The following FER variants were observed in gnomAD, a reference collection of about 807,000 sequenced individuals.
The protein encoded by FER is FER tyrosine kinase, also known as tyrosine-protein kinase Fer.
A neutral mutation model predicts 111.0 loss-of-function variants in FER; 63 were observed. The observed-to-expected ratio is 0.57, with a 90% CI of 0.46 to 0.70. FER has a LOEUF of 0.70. Among genes scored for constraint, FER ranks in the 30% least tolerant of loss-of-function variants. The pLI is 0.00. For synonymous variants in FER, 327 were observed against 313.9 expected, an observed-to-expected ratio of 1.04 and a Z score of -0.44; for missense variants, 914 against 954.0, an observed-to-expected ratio of 0.96 and a Z score of 0.55.
intron 9 of FER, among the ~76,000 whole-genome samples, chr5:108,892,333 T>C (rs1025967311): frequency 2.0e-5 from 3 of 152,166 alleles, no homozygotes; most frequent in African/African-American, 7.2e-5. Flanking sequence ...ACCTGTTGTT[T>C]CCTGACTTTT....
chr5:109,058,819 G>A (rs866381349), intron 16 of FER, among the ~76,000 whole-genome samples: 64 of 129,138 alleles, frequency 5.0e-4, no homozygotes, highest in African/African-American at 1.7e-3. Flanking sequence ...TGCAACCTCC[G>A]CCTTCTGGGT....
chr5:108,749,195 C>T (rs1750143878), intron 1 of FER, among the ~76,000 whole-genome samples: 1 of 152,224 alleles, frequency 6.6e-6, no homozygotes, highest in East Asian at 1.9e-4. Flanking sequence ...AACCCCCGTC[C>T]CTGGCTGCAG....
Position 109,188,431 on chromosome 5 carries a change from C to CAAAGTT in FER, c.*858_*863dup, listed in dbSNP as rs1480268510. On this transcript the variant is annotated 3_prime_UTR_variant, in exon 20 of 20. Transcript: ENST00000281092. ...ACACACACAACGCATGAAACGTCGT[C>CAAAGTT]AAAGTTAGAGTTGAGGCAGTTGCTT... The CAAAGTT allele has an allele frequency of 6.7e-6, 1 of 148,850 alleles. No homozygotes were observed. The highest frequency in any genetic ancestry group is 1.5e-5 in the Non-Finnish European group (1 of 67,488). 9.2% of individuals were successfully genotyped at this position (148,850 alleles called of 1,614,324 possible).
chr5:109,067,209 A>C (rs1355056455), intron 16 of FER, among the ~76,000 whole-genome samples: 1 of 151,258 alleles, frequency 6.6e-6, no homozygotes, highest in African/African-American at 2.4e-5. Flanking sequence ...GTCGTGTGTT[A>C]GGGAGTGGAG....
intron 18 of FER, among the ~76,000 whole-genome samples, chr5:109,181,584 G>GAT (rs1758297923): frequency 1.3e-5 from 2 of 152,298 alleles, no homozygotes; most frequent in South Asian, 4.2e-4. Flanking sequence ...AGCAGCATAT[G>GAT]AGCCATGGAT....
chr5:108,970,316 C>T (rs941397342), intron 13 of FER, among the ~76,000 whole-genome samples: 7 of 151,914 alleles, frequency 4.6e-5, no homozygotes, highest in African/African-American at 1.7e-4. Context: ...CTCAGGTTCA[C>T]GCCATTCTCC....
At chr5:108,944,959 C>A (rs372944708) in intron 10 of FER, among the ~76,000 whole-genome samples, 25 of 151,482 alleles carry the variant, frequency 1.7e-4, no homozygotes, top group African/African-American at 5.1e-4. Flanking sequence ...AACTGGACCT[C>A]TCCATTAGAT....
chr5:108,951,365 C>T (rs181135565), intron 11 of FER, among the ~76,000 whole-genome samples: 3 of 152,270 alleles, frequency 2.0e-5, no homozygotes, highest in Admixed American at 6.5e-5. Flanking sequence ...ACCTTGGCCT[C>T]CCAAAGTGCT....
chr5:109,094,086 T>C (rs375081179), intron 16 of FER, among the ~76,000 whole-genome samples: 2 of 152,014 alleles, frequency 1.3e-5, no homozygotes, highest in African/African-American at 4.8e-5. Context: ...AGAGGACTTA[T>C]GGTCTCAATG....
chr5:108,748,388 T>G (rs1750023834), intron 1 of FER: 1 of 152,248 alleles, frequency 6.6e-6, no homozygotes, highest in South Asian at 2.1e-4. Flanking sequence ...CCGCCCCCAC[T>G]CTCCGAATTC....
intron 10 of FER, among the ~76,000 whole-genome samples, chr5:108,899,883 T>C (rs915341096): frequency 6.6e-6 from 1 of 152,120 alleles, no homozygotes; most frequent in Non-Finnish European, 1.5e-5. Context: ...AACTAATGAA[T>C]AGATAATGTT....
At chr5:108,894,575 G>A (rs753213174) in intron 9 of FER, 2 of 406,700 alleles carry the variant, frequency 4.9e-6, no homozygotes, top group Non-Finnish European at 9.7e-6. Flanking sequence ...GGTCATTCTT[G>A]AGTTCCACGA....
chr5:108,953,973 A>G (rs1208073516), intron 11 of FER, among the ~76,000 whole-genome samples: 1 of 152,132 alleles, frequency 6.6e-6, no homozygotes, highest in Non-Finnish European at 1.5e-5. Context: ...TTTCAAGGAA[A>G]TACAATCATC....
intron 10 of FER, among the ~76,000 whole-genome samples, chr5:108,916,179 C>G (rs1480383658): frequency 6.6e-6 from 1 of 151,986 alleles, no homozygotes; most frequent in Non-Finnish European, 1.5e-5. Context: ...CCAATCTTAC[C>G]TAAAGGTGTC....
At chr5:108,926,702 A>G (rs1267020574) in intron 10 of FER, among the ~76,000 whole-genome samples, 1 of 152,182 alleles carries the variant, frequency 6.6e-6, no homozygotes, top group Non-Finnish European at 1.5e-5. Flanking sequence ...GCTCAGTCAG[A>G]TGTTACCACA....
intron 14 of FER, among the ~76,000 whole-genome samples, chr5:109,043,537 C>T (rs956224845): frequency 4.6e-5 from 7 of 151,858 alleles, no homozygotes; most frequent in Admixed American, 1.3e-4. Context: ...ATTAATAAGC[C>T]GTAGTTCAAG....
intron 16 of FER, among the ~76,000 whole-genome samples, chr5:109,056,286 G>A (rs565335308): frequency 4.6e-5 from 7 of 152,296 alleles, no homozygotes; most frequent in African/African-American, 1.7e-4. Flanking sequence ...GTATTGCAGT[G>A]TTACTCACGA....
At chr5:108,872,058 TA>T in intron 7 of FER, 34 bp from the exon 8 acceptor site, 1 of 1,599,892 alleles carries the variant, frequency 6.3e-7, no homozygotes, top group Non-Finnish European at 8.5e-7. Flanking sequence ...ATACTGTATT[TA>T]CAATGATCAA....
Position 108,901,379 on chromosome 5 carries a change from G to T in FER, c.1236+3531G>T, listed in dbSNP as rs1419333127. Among the ~76,000 whole-genome samples the T allele has an allele frequency of 6.6e-5, 10 of 152,166 alleles. No homozygotes were observed. The East Asian group carries it at 1.9e-3, about 29-fold the overall frequency. ...ATAATGATTAAAGAATTAAAGCTGT[G>T]TAATAAAGACAGAGGCCATCAAGAG... On this transcript the variant is annotated intron_variant, in intron 10 of 19. Transcript: ENST00000281092.
Sources: gnomAD v4.1 joint callset for allele counts (sites outside exome capture counted in the v4.1 genomes callset) on GRCh38, gnomAD v4.1.1 for gene constraint, MANE v1.5 for transcripts, NCBI Gene and HGNC (gene_info 2026-07-23, HGNC 2026-07-21) for gene names.